SYNE1: variants seen among roughly 807,000 people sequenced by gnomAD.
SYNE1 encodes spectrin repeat containing nuclear envelope protein 1.
SYNE1 carries 616 observed loss-of-function variants against 1,111.0 expected under a neutral mutation model. The ratio of observed to expected loss-of-function variants is 0.55; its 90% CI spans 0.52 to 0.59. The LOEUF (loss-of-function observed/expected upper bound fraction) is 0.59, where lower values mean the gene tolerates loss of function less well. Among genes scored for constraint, SYNE1 ranks in the 20% least tolerant of loss-of-function variants. SYNE1 has a pLI of 0.00. For synonymous variants in SYNE1, 3,855 were observed against 3,825.8 expected, an observed-to-expected ratio of 1.01 and a Z score of -0.28; for missense variants, 10,006 against 10,417.0, an observed-to-expected ratio of 0.96 and a Z score of 1.72.
chr6:152,440,637 G>A (rs947221087), intron 32 of SYNE1, among the ~76,000 whole-genome samples: 41 of 137,744 alleles, frequency 3.0e-4, no homozygotes, highest in Non-Finnish European at 5.1e-4. Context: ...GTGCCATCTC[G>A]GCTCACTGCA....
intron 44 of SYNE1, among the ~76,000 whole-genome samples, chr6:152,408,752 G>A (rs976977416): frequency 3.8e-4 from 58 of 152,150 alleles, no homozygotes; most frequent in Non-Finnish European, 4.4e-5. Flanking sequence ...TCAGGAGTTC[G>A]AGACCAGCCT....
At position 152,302,077 on chromosome 6, in the gene SYNE1, T is replaced by TCC; in HGVS notation, c.17347-16_17347-15dup. ...CTGCGCCAGCTCCTGAGGAAACATTTCCCCCACCGGGGTGTCAGAGCAGCA... is the reference window on the plus strand; with the variant it reads ...CTGCGCCAGCTCCTGAGGAAACATTTCCCCCCCACCGGGGTGTCAGAGCAGCA... On this transcript the variant is annotated splice_polypyrimidine_tract_variant and intron_variant, in intron 91 of 145. Transcript: ENST00000367255. 3.1e-6 allele frequency: 5 copies of TCC among 1,614,136 alleles called. No individual in the cohort carries two copies. The highest frequency in any genetic ancestry group is 4.2e-6 in the Non-Finnish European group (5 of 1,180,022).
chr6:152,376,855 G>T lies in SYNE1; in HGVS notation c.9067C>A (p.Leu3023Met). 6.2e-7 allele frequency: 1 copy of T among 1,614,076 alleles called. No homozygotes were observed. Among genetic ancestry groups the T allele is most frequent in the Non-Finnish European group, 8.5e-7 (1 of 1,180,008 alleles). Reference sequence around the variant, plus strand: ...CTGGAAAATCGACAAAGTTCATTCAGCTGAGACTTGAGATCCTCTGTTCTA... The same window carrying T: ...CTGGAAAATCGACAAAGTTCATTCATCTGAGACTTGAGATCCTCTGTTCTA... ...EPRTEDLKSQ[L>M]NELCRFSRDL... The change falls in exon 57 of 146, where the codon CTG becomes ATG. Residue 3023 changes from leucine to methionine, a missense_variant. Coordinates refer to ENST00000367255, the MANE Select transcript of SYNE1 (RefSeq NM_182961.4).
At chr6:152,553,348 A>C (rs1373328679) in intron 3 of SYNE1, among the ~76,000 whole-genome samples, 1 of 152,148 alleles carries the variant, frequency 6.6e-6, no homozygotes, top group African/African-American at 2.4e-5. Context: ...ATGTAGACGC[A>C]ATTCCCAACT....
intron 3 of SYNE1, among the ~76,000 whole-genome samples, chr6:152,582,542 C>T (rs1294375826): frequency 6.6e-6 from 1 of 151,444 alleles, no homozygotes; most frequent in Non-Finnish European, 1.5e-5. Context: ...AATGGGTTAC[C>T]AGTGCTCAAA....
Position 152,249,194 on chromosome 6 carries a change from A to G in SYNE1, c.19539T>C (p.Asn6513=), listed in dbSNP as rs373347428. 1 of 1,614,068 alleles carries G rather than the reference A, an allele frequency of 6.2e-7. No individual in the cohort carries two copies. Among genetic ancestry groups the G allele is most frequent in the Non-Finnish European group, 8.5e-7 (1 of 1,179,942 alleles). The change falls in exon 105 of 146, where the codon AAT becomes AAC. Residue 6513 remains asparagine (N), a synonymous_variant. Transcript: ENST00000367255. The stretch of plus-strand genomic sequence containing the variant: ...GTTCTGCTACGGGCTGTTCAAACAC[A>G]TTTGCCAGTTTTTGCAGAATGATGT... ...NKYIILQKLA[N]VFEQPVAEQI...
intron 114 of SYNE1, 55 bp from the exon 115 acceptor site, chr6:152,230,757 A>C: frequency 6.4e-7 from 1 of 1,555,116 alleles, no homozygotes; most frequent in Non-Finnish European, 8.8e-7. Flanking sequence ...AAATCAAATC[A>C]TTAGCAGACT....
intron 54 of SYNE1, 114 bp downstream of exon 54, chr6:152,386,958 A>T: frequency 1.1e-6 from 1 of 926,822 alleles, no homozygotes; most frequent in Non-Finnish European, 1.5e-6. Flanking sequence ...CCAACAATTT[A>T]ATCCACAGTT....
intron 3 of SYNE1, among the ~76,000 whole-genome samples, chr6:152,612,145 T>G (rs2099633103): frequency 6.6e-6 from 1 of 150,498 alleles, no homozygotes; most frequent in South Asian, 2.1e-4. Context: ...ATAACTAAGA[T>G]CAGAGCAGAA....
intron 108 of SYNE1, among the ~76,000 whole-genome samples, chr6:152,238,763 A>T (rs567159624): frequency 1.2e-4 from 18 of 152,290 alleles, no homozygotes; most frequent in Admixed American, 5.2e-4. Flanking sequence ...CTGAAGAAAG[A>T]AAGGGGACTG....
chr6:152,247,752 C>T (rs6929678), intron 105 of SYNE1, among the ~76,000 whole-genome samples: 9,840 of 71,798 alleles, frequency 0.14, 370 homozygotes, highest in Admixed American at 0.19. Flanking sequence ...TATATATATA[C>T]ACACACACAC....
chr6:152,241,021 T>A (rs1399423238), intron 107 of SYNE1, among the ~76,000 whole-genome samples: 1 of 152,156 alleles, frequency 6.6e-6, no homozygotes, highest in Non-Finnish European at 1.5e-5. Context: ...TACAAGCCCA[T>A]CTCCCCTAAA....
At position 152,145,654 on chromosome 6, in the gene SYNE1, G is replaced by A. The variant is rs978176780; in HGVS notation, c.24977-1889C>T. The stretch of plus-strand genomic sequence containing the variant: ...TTCCTAGGGGAAAAAAAGGAAGTCA[G>A]TTATTCTAGACACATAGCTCCTGAG... On this transcript the variant is annotated intron_variant, in intron 137 of 145. Transcript: ENST00000367255. 9.2e-6 allele frequency: 10 copies of A among 1,091,160 alleles called. No homozygotes were observed. The African/African-American group carries it at 1.4e-4, about 15-fold the overall frequency. 67.6% of individuals were successfully genotyped at this position (1,091,160 alleles called of 1,614,324 possible). A position where few individuals can be genotyped will look rare whatever the true frequency, so the allele number is the denominator to read the frequency against.
intron 56 of SYNE1, chr6:152,380,650 C>A: frequency 3.3e-6 from 1 of 301,960 alleles, no homozygotes; most frequent in South Asian, 3.2e-5. Flanking sequence ...AGTTAACTGG[C>A]AAGAAAACAG....
intron 3 of SYNE1, among the ~76,000 whole-genome samples, chr6:152,605,478 G>C (rs2099612325): frequency 6.6e-6 from 1 of 152,168 alleles, no homozygotes. Flanking sequence ...ACCCACATCA[G>C]AAGCTATTTT....
intron 85 of SYNE1, 58 bp downstream of exon 85, chr6:152,318,805 C>T (rs553233398): frequency 6.9e-6 from 11 of 1,601,960 alleles, no homozygotes; most frequent in Non-Finnish European, 8.5e-6. Flanking sequence ...CCAAGTAAAA[C>T]TGACTCCAAA....
intron 46 of SYNE1, among the ~76,000 whole-genome samples, chr6:152,402,904 T>A (rs1430434325): frequency 1.3e-5 from 2 of 152,144 alleles, no homozygotes; most frequent in Non-Finnish European, 2.9e-5. Context: ...GCGGCATGCA[T>A]AAGGACTCTT....
chr6:152,317,239 T>TTC (rs1355463911), intron 86 of SYNE1, among the ~76,000 whole-genome samples: 1 of 151,054 alleles, frequency 6.6e-6, no homozygotes, highest in African/African-American at 2.4e-5. Flanking sequence ...TTTTTCTTTT[T>TTC]TTTTTTTTTC....
Position 152,465,398 on chromosome 6 carries a change from A to G in SYNE1, c.1792T>C (p.Ser598Pro). Residue 598 changes from serine (S) to proline (P), a missense_variant, in exon 18 of 146, where the codon TCA (serine) becomes CCA (proline). This residue lies in a region of SYNE1 where 1,971 missense variants were observed against 2,084.1 expected (regional missense o/e 0.95). Coordinates refer to ENST00000367255, the MANE Select transcript of SYNE1 (RefSeq NM_182961.4). Reference sequence around the variant, plus strand: ...CTCCTCACACTCCTCACTTCTACTGAGAGATTCCTCCACTGAGCGGTGGTT... The same window carrying G: ...CTCCTCACACTCCTCACTTCTACTGGGAGATTCCTCCACTGAGCGGTGGTT... ...NETTAQWRNL[S>P]VEVRSVRSML... 1 of 1,613,760 alleles carries G rather than the reference A, an allele frequency of 6.2e-7. No individual in the cohort carries two copies.
Sources: allele counts gnomAD v4.1 joint callset (sites outside exome capture counted in the v4.1 genomes callset), GRCh38; gene constraint gnomAD v4.1.1; regional missense constraint gnomAD v4.1.1; transcripts MANE v1.5; gene names NCBI Gene and HGNC (gene_info 2026-07-23, HGNC 2026-07-21).